Variants in ZFYVE9 observed in about 807,000 individuals in gnomAD.
The protein encoded by ZFYVE9 is zinc finger FYVE-type containing 9, also known as zinc finger FYVE domain-containing protein 9.
Under a neutral mutation model 126.7 loss-of-function variants are expected in ZFYVE9, and 43 were observed. The observed-to-expected ratio is 0.34, with a 90% CI of 0.27 to 0.44. ZFYVE9 has a LOEUF of 0.44. ZFYVE9 is among the 20% of genes least tolerant of loss of function. The probability of loss-of-function intolerance (pLI) is 1.00; values close to 1 mark genes in which losing one functional copy is unlikely to be tolerated. For missense variants in ZFYVE9, 1,476 were observed against 1,697.0 expected (o/e 0.87, Z 2.29); for synonymous variants, 521 against 597.4 (o/e 0.87, Z 1.87).
intron 8 of ZFYVE9, 99 bp from the exon 9 acceptor site, chr1:52,278,393 A>ATG: frequency 6.8e-7 from 1 of 1,470,440 alleles, no homozygotes; most frequent in South Asian, 1.1e-5. Context: ...AATCAAATGC[A>ATG]TGTCTCTTTT....
chr1:52,336,151 C>G (rs1431266403), intron 15 of ZFYVE9, among the ~76,000 whole-genome samples: 3 of 151,590 alleles, frequency 2.0e-5, no homozygotes, highest in Admixed American at 2.0e-4. Flanking sequence ...AAAAAAGGTC[C>G]TTTCTTAGGG....
At chr1:52,240,004 T>C (rs1645317878) in intron 4 of ZFYVE9, among the ~76,000 whole-genome samples, 1 of 152,206 alleles carries the variant, frequency 6.6e-6, no homozygotes, top group East Asian at 1.9e-4. Flanking sequence ...AAAAATTACA[T>C]TTAATTGTTG....
At chr1:52,156,845 T>TA (rs201631776) in intron 1 of ZFYVE9, among the ~76,000 whole-genome samples, 2,075 of 152,102 alleles carry the variant, frequency 0.014, 50 homozygotes, top group African/African-American at 0.047. Flanking sequence ...ATTCTTTTTT[T>TA]TTTTTTTGAG....
At chr1:52,202,712 GTCTTAC>G (rs1421815125) in intron 1 of ZFYVE9, among the ~76,000 whole-genome samples, 6 of 151,728 alleles carry the variant, frequency 4.0e-5, no homozygotes, top group African/African-American at 1.5e-4. Context: ...TTGAGATGAA[GTCTTAC>G]TCTGTCACCC....
At chr1:52,278,877 C>G (rs1410737441) in intron 9 of ZFYVE9, among the ~76,000 whole-genome samples, 1 of 151,714 alleles carries the variant, frequency 6.6e-6, no homozygotes, top group African/African-American at 2.4e-5. Context: ...ACAACAGGTG[C>G]CCGCCACCAC....
intron 10 of ZFYVE9, among the ~76,000 whole-genome samples, chr1:52,285,968 A>G (rs1645854201): frequency 6.6e-6 from 1 of 152,150 alleles, no homozygotes; most frequent in Admixed American, 6.5e-5. Context: ...CATCCTGGCC[A>G]ACATGGTGAA....
intron 1 of ZFYVE9, among the ~76,000 whole-genome samples, chr1:52,145,659 A>G (rs1177134052): frequency 6.6e-6 from 1 of 152,160 alleles, no homozygotes; most frequent in Admixed American, 6.5e-5. Flanking sequence ...AGTGTTTGTC[A>G]TGTAGGAGGT....
rs1310692366 is a variant in ZFYVE9 at position 52,293,678 on chromosome 1, G to T, written c.3250+1G>T. 6.2e-7 allele frequency: 1 copy of T among 1,613,098 alleles called. No homozygotes were observed. The highest frequency in any genetic ancestry group is 1.1e-5 in the South Asian group (1 of 90,968). On this transcript the variant is annotated splice_donor_variant, in intron 11 of 18. Coordinates refer to ENST00000287727, the MANE Select transcript of ZFYVE9 (RefSeq NM_004799.4). LOFTEE classifies it high-confidence loss of function. ...TTGAGACTTGGAGCTGAATATCGACGTAAGTAGTAAAAACACGTTTTTCAA... is the reference window on the plus strand; with the variant it reads ...TTGAGACTTGGAGCTGAATATCGACTTAAGTAGTAAAAACACGTTTTTCAA...
At chr1:52,177,939 G>GT (rs202136399) in intron 1 of ZFYVE9, among the ~76,000 whole-genome samples, 1,562 of 138,230 alleles carry the variant, frequency 0.011, 43 homozygotes, top group Non-Finnish European at 0.014. Flanking sequence ...ATGAAAAGTA[G>GT]TTTTGTTTTT....
chr1:52,277,738 G>C (rs537830261), intron 8 of ZFYVE9, among the ~76,000 whole-genome samples: 1 of 152,244 alleles, frequency 6.6e-6, no homozygotes, highest in East Asian at 1.9e-4. Flanking sequence ...AGGTTCTACA[G>C]TGATTATTAC....
intron 4 of ZFYVE9, among the ~76,000 whole-genome samples, chr1:52,239,912 A>T (rs1645316821): frequency 6.6e-6 from 1 of 152,200 alleles, no homozygotes; most frequent in African/African-American, 2.4e-5. Flanking sequence ...TAAGGAAGTT[A>T]TTCTTTCAGT....
chr1:52,317,635 G>A (rs563769941), intron 13 of ZFYVE9, among the ~76,000 whole-genome samples: 1 of 151,900 alleles, frequency 6.6e-6, no homozygotes, highest in African/African-American at 2.4e-5. Context: ...AAACAATAAA[G>A]AAAATTAATG....
rs949966560 is a variant in ZFYVE9, at chr1:52,216,210, C to T, written c.-142-159C>T. ...TTCAGACAATAAAATGTCTCTGTTG[C>T]TACCTTGTATGCAAGCCAGGTCTTT... On this transcript the variant is annotated intron_variant, in intron 1 of 18. Transcript: ENST00000287727. 2.0e-5 allele frequency among the ~76,000 whole-genome samples: 3 copies of T among 152,306 alleles called. No individual in the cohort carries two copies. The South Asian group carries it at 6.2e-4, about 32-fold the overall frequency.
intron 8 of ZFYVE9, among the ~76,000 whole-genome samples, chr1:52,277,134 A>G (rs1029342481): frequency 3.3e-5 from 5 of 152,206 alleles, no homozygotes; most frequent in African/African-American, 1.2e-4. Flanking sequence ...TAAATCTTAG[A>G]TTAATAAGGA....
intron 15 of ZFYVE9, among the ~76,000 whole-genome samples, chr1:52,336,193 G>T (rs2147872969): frequency 6.6e-6 from 1 of 151,764 alleles, no homozygotes; most frequent in South Asian, 2.1e-4. Flanking sequence ...GAAATACGTA[G>T]ATAATCTTAC....
At chr1:52,217,768 CTTTTATGATTGT>C (rs1645085621) in intron 2 of ZFYVE9, among the ~76,000 whole-genome samples, 2 of 152,144 alleles carry the variant, frequency 1.3e-5, no homozygotes, top group South Asian at 4.1e-4. Flanking sequence ...CCTTGTAAGG[CTTTTATGATTGT>C]CCCATCAGGG....
At chr1:52,297,038 C>A (rs1203867524) in intron 12 of ZFYVE9, among the ~76,000 whole-genome samples, 6 of 152,010 alleles carry the variant, frequency 3.9e-5, no homozygotes, top group African/African-American at 1.5e-4. Flanking sequence ...AACTCCTGGC[C>A]TCAATGATTC....
At chr1:52,268,403 GA>G in intron 6 of ZFYVE9, 59 bp from the exon 7 acceptor site, 1 of 1,541,684 alleles carries the variant, frequency 6.5e-7, no homozygotes, top group Non-Finnish European at 8.8e-7. Context: ...TCTCTTCTTT[GA>G]TGTTAGAAAA....
At chr1:52,199,918 T>C (rs1644907625) in intron 1 of ZFYVE9, among the ~76,000 whole-genome samples, 1 of 152,186 alleles carries the variant, frequency 6.6e-6, no homozygotes, top group African/African-American at 2.4e-5. Flanking sequence ...AATTTGTGTT[T>C]TCCTTATAAC....
Sources: allele counts gnomAD v4.1 joint callset (sites outside exome capture counted in the v4.1 genomes callset), GRCh38; gene constraint gnomAD v4.1.1; transcripts MANE v1.5; gene names NCBI Gene and HGNC (gene_info 2026-07-23, HGNC 2026-07-21).